The following LAMA3 variants were observed in gnomAD, a reference collection of about 807,000 sequenced individuals.
LAMA3 encodes laminin subunit alpha-3.
A neutral mutation model predicts 402.0 loss-of-function variants in LAMA3; 281 were observed. That is an observed-to-expected ratio of 0.70 (90% CI 0.63 to 0.77). The LOEUF is 0.77. Ranked by LOEUF, LAMA3 falls within the 30% of genes least tolerant of loss-of-function variation. The pLI, the probability that LAMA3 is intolerant of heterozygous loss-of-function variation, is 0.00. For missense variants in LAMA3, 3,840 were observed against 4,215.5 expected, an observed-to-expected ratio of 0.91 and a Z score of 2.47; for synonymous variants, 1,431 against 1,558.4, an observed-to-expected ratio of 0.92 and a Z score of 1.93.
At chr18:23,837,213 A>G (rs930450997) in intron 25 of LAMA3, 124 bp downstream of exon 25, 4 of 716,712 alleles carry the variant, frequency 5.6e-6, no homozygotes, top group Non-Finnish European at 7.6e-6. Flanking sequence ...TTGCCAGTTT[A>G]ATGTTTATTC....
At chr18:23,701,984 G>A (rs1337746029) in intron 1 of LAMA3, among the ~76,000 whole-genome samples, 2 of 152,138 alleles carry the variant, frequency 1.3e-5, no homozygotes, top group African/African-American at 4.8e-5. Context: ...TGATCGGAAT[G>A]ATCTAGAAGA....
intron 38 of LAMA3, among the ~76,000 whole-genome samples, chr18:23,875,096 C>T (rs2064663130): frequency 6.6e-6 from 1 of 152,134 alleles, no homozygotes; most frequent in Non-Finnish European, 1.5e-5. Context: ...AACTCCTGGG[C>T]TCAAGTGATC....
At chr18:23,749,680 G>A in intron 4 of LAMA3, 134 bp downstream of exon 4, 1 of 734,782 alleles carries the variant, frequency 1.4e-6, no homozygotes, top group Non-Finnish European at 2.5e-6. Context: ...GCTTGGGACT[G>A]AACAGTAAAG....
chr18:23,740,324 C>T (rs1007083006), intron 2 of LAMA3, among the ~76,000 whole-genome samples: 1 of 152,132 alleles, frequency 6.6e-6, no homozygotes, highest in African/African-American at 2.4e-5. Flanking sequence ...TGTCATCAAT[C>T]CTTCTCTTTC....
At chr18:23,754,346 G>A (rs1490036055) in intron 6 of LAMA3, among the ~76,000 whole-genome samples, 1 of 152,064 alleles carries the variant, frequency 6.6e-6, no homozygotes, top group Non-Finnish European at 1.5e-5. Context: ...TCCTACCACT[G>A]GCCCCTGGCA....
intron 11 of LAMA3, among the ~76,000 whole-genome samples, chr18:23,781,729 T>C (rs947435049): frequency 1.3e-5 from 2 of 152,190 alleles, no homozygotes; most frequent in Admixed American, 1.3e-4. Flanking sequence ...ATAAGAATGC[T>C]GTCTTCCTGG....
intron 41 of LAMA3, among the ~76,000 whole-genome samples, chr18:23,889,435 A>T (rs1235470439): frequency 6.6e-6 from 1 of 151,904 alleles, no homozygotes; most frequent in Non-Finnish European, 1.5e-5. Flanking sequence ...GGTGGCATGC[A>T]CCTGTGGTCT....
chr18:23,858,649 T>C lies in LAMA3; in HGVS notation c.4282-40T>C, dbSNP rs781050326. On this transcript the variant is annotated intron_variant, in intron 33 of 74. Coordinates refer to ENST00000313654, the MANE Select transcript of LAMA3 (RefSeq NM_198129.4). ...TAGCTAATTGCAACTAGGGAAATTT[T>C]GGAACACGTGATCTCTTATTTCATG... 3.7e-6 allele frequency: 6 copies of C among 1,612,566 alleles called. No homozygotes were observed. In the African/African-American group the frequency reaches 6.7e-5, roughly 18 times the overall value.
intron 23 of LAMA3, among the ~76,000 whole-genome samples, chr18:23,830,244 C>G (rs938236098): frequency 1.3e-5 from 2 of 152,222 alleles, no homozygotes; most frequent in African/African-American, 4.8e-5. Context: ...TGTGAATTCT[C>G]TGTGCCATCT....
At chr18:23,775,651 G>T in intron 9 of LAMA3, 141 bp from the exon 10 acceptor site, 1 of 920,232 alleles carries the variant, frequency 1.1e-6, no homozygotes. Flanking sequence ...CAGGTGTGAG[G>T]TGGGAAATAG....
intron 12 of LAMA3, among the ~76,000 whole-genome samples, chr18:23,792,711 A>G (rs2062683244): frequency 6.6e-6 from 1 of 152,124 alleles, no homozygotes; most frequent in African/African-American, 2.4e-5. Context: ...CTTGAGGCAG[A>G]GCAGGGAGAG....
At chr18:23,936,742 T>C (rs1161059057) in intron 67 of LAMA3, among the ~76,000 whole-genome samples, 1 of 152,000 alleles carries the variant, frequency 6.6e-6, no homozygotes, top group Admixed American at 6.6e-5. Flanking sequence ...GAACACAAGA[T>C]TCAAACTTAA....
chr18:23,742,101 G>T (rs1391593102), intron 2 of LAMA3, among the ~76,000 whole-genome samples: 1 of 152,188 alleles, frequency 6.6e-6, no homozygotes, highest in South Asian at 2.1e-4. Flanking sequence ...CAGCCTGGGC[G>T]ACAGAGTGAA....
intron 64 of LAMA3, among the ~76,000 whole-genome samples, chr18:23,929,257 T>C (rs2082094240): frequency 6.6e-6 from 1 of 152,206 alleles, no homozygotes; most frequent in Non-Finnish European, 1.5e-5. Flanking sequence ...TCTTTCCTCA[T>C]GTACAACAGA....
chr18:23,877,004 A>G (rs552400899), intron 39 of LAMA3, among the ~76,000 whole-genome samples: 1 of 152,328 alleles, frequency 6.6e-6, no homozygotes, highest in East Asian at 1.9e-4. Flanking sequence ...CTGGGCAACA[A>G]GAACAAAACT....
At chr18:23,772,747 A>G (rs1162859924) in intron 8 of LAMA3, among the ~76,000 whole-genome samples, 1 of 152,174 alleles carries the variant, frequency 6.6e-6, no homozygotes, top group Admixed American at 6.5e-5. Context: ...GTTCTTGTTA[A>G]CTTCTTATTG....
chr18:23,899,274 T>A lies in LAMA3; in HGVS notation c.5837-14T>A. 1.9e-6 allele frequency: 3 copies of A among 1,612,796 alleles called. No homozygotes were observed. Among genetic ancestry groups the A allele is most frequent in the Non-Finnish European group, 2.5e-6 (3 of 1,179,030 alleles). Reference sequence around the variant, plus strand: ...CAGAATTCCCAGTCTAATAGACCACTTGATGTTTCCTAGTTCTTTTAAAGC... The same window carrying A: ...CAGAATTCCCAGTCTAATAGACCACATGATGTTTCCTAGTTCTTTTAAAGC... On this transcript the variant is annotated splice_polypyrimidine_tract_variant and intron_variant, in intron 46 of 74. Coordinates refer to ENST00000313654, the MANE Select transcript of LAMA3 (RefSeq NM_198129.4).
At chr18:23,761,495 T>C (rs1213389297) in intron 7 of LAMA3, among the ~76,000 whole-genome samples, 1 of 152,192 alleles carries the variant, frequency 6.6e-6, no homozygotes, top group African/African-American at 2.4e-5. Flanking sequence ...GATGGGCATA[T>C]TCCTCAACCT....
At position 23,736,664 on chromosome 18, in the gene LAMA3, G is replaced by A. The variant is rs117993281; in HGVS notation, c.448-11279G>A. ...TTCACATTTGCAAGATAGAGTGGTA[G>A]AAGCCAATACTGATTTTGGGGGAAA... On this transcript the variant is annotated intron_variant, in intron 2 of 74. Coordinates refer to ENST00000313654, the MANE Select transcript of LAMA3 (RefSeq NM_198129.4). Among the ~76,000 whole-genome samples, 72 of 152,272 alleles carry A rather than the reference G, an allele frequency of 4.7e-4. 1 individual carries two copies. The East Asian group carries it at 0.012, about 25-fold the overall frequency.
Sources: gnomAD v4.1 joint callset for allele counts (sites outside exome capture counted in the v4.1 genomes callset) on GRCh38, gnomAD v4.1.1 for gene constraint, MANE v1.5 for transcripts, NCBI Gene and HGNC (gene_info 2026-07-23, HGNC 2026-07-21) for gene names.